The following KATNIP variants were observed in gnomAD, a reference collection of about 807,000 sequenced individuals.
KATNIP encodes katanin interacting protein, also known as katanin-interacting protein.
In KATNIP, 126 loss-of-function variants were observed where a neutral mutation model predicts 174.0. The observed-to-expected ratio is 0.72, with a 90% CI of 0.63 to 0.84. KATNIP has a LOEUF of 0.84. Ranked by LOEUF, KATNIP falls within the 40% of genes least tolerant of loss-of-function variation. KATNIP has a pLI of 0.00. For missense variants in KATNIP, 1,958 were observed against 2,109.7 expected, an observed-to-expected ratio of 0.93 and a Z score of 1.41; for synonymous variants, 810 against 835.7, an observed-to-expected ratio of 0.97 and a Z score of 0.53.
intron 1 of KATNIP, among the ~76,000 whole-genome samples, chr16:27,573,662 G>A (rs2090383400): frequency 6.6e-6 from 1 of 152,204 alleles, no homozygotes; most frequent in Non-Finnish European, 1.5e-5. Flanking sequence ...CCAGATTAAA[G>A]GCTGGAGCTT....
chr16:27,611,228 T>G (rs913705012), intron 2 of KATNIP, among the ~76,000 whole-genome samples: 11 of 152,180 alleles, frequency 7.2e-5, no homozygotes, highest in African/African-American at 2.2e-4. Context: ...GGGTCAGAGC[T>G]TTTGTTAAGC....
chr16:27,763,146 T>G (rs2082007454), intron 19 of KATNIP, among the ~76,000 whole-genome samples: 1 of 150,616 alleles, frequency 6.6e-6, no homozygotes, highest in South Asian at 2.1e-4. Context: ...AGAATGTGTC[T>G]CTACAAAAGA....
chr16:27,573,546 G>A (rs1450755428), intron 1 of KATNIP, among the ~76,000 whole-genome samples: 1 of 152,174 alleles, frequency 6.6e-6, no homozygotes, highest in Non-Finnish European at 1.5e-5. Context: ...ACAGAGGAAG[G>A]CATTCTTGTG....
chr16:27,654,672 G>A, intron 6 of KATNIP: 1 of 1,351,504 alleles, frequency 7.4e-7, no homozygotes. Context: ...AATGCATGTG[G>A]ACATTCTGAC....
At chr16:27,670,076 A>G (rs1043324829) in intron 6 of KATNIP, among the ~76,000 whole-genome samples, 3 of 152,216 alleles carry the variant, frequency 2.0e-5, no homozygotes, top group Non-Finnish European at 4.4e-5. Context: ...AGGAGGAATT[A>G]TTGAAATTCA....
At position 27,648,731 on chromosome 16, in the gene KATNIP, C is replaced by T. The variant is rs1346069798; in HGVS notation, c.536C>T (p.Pro179Leu). Residue 179 changes from proline to leucine, a missense_variant, in exon 6 of 28, where the codon CCG (proline) becomes CTG (leucine). By Grantham distance (98) the Pro-to-Leu change is moderately conservative (BLOSUM62 -3). Coordinates refer to ENST00000261588, the MANE Select transcript of KATNIP (RefSeq NM_015202.5). The stretch of plus-strand genomic sequence containing the variant: ...GCAAACAACACTTCTGAGGATCGTC[C>T]GCAGGTAGGGATGGCCTTGGCCTTG... ...LQANNTSEDR[P>L]QELRRSLELS... The T allele has an allele frequency of 1.4e-5, 23 of 1,613,010 alleles. No individual in the cohort carries two copies. The highest frequency in any genetic ancestry group is 3.3e-5 in the Admixed American group (2 of 59,854).
rs987018942 is a variant in KATNIP, at chr16:27,635,405, G to A, written c.408+4243G>A. On this transcript the variant is annotated intron_variant, in intron 5 of 27. Coordinates refer to ENST00000261588, the MANE Select transcript of KATNIP (RefSeq NM_015202.5). ...GAGTGTGGGATGGGTACCGAGAGCC[G>A]GCCCCCTCCAGTCTAGAGCATGGAC... Among the ~76,000 whole-genome samples, 26 of 152,054 alleles carry A rather than the reference G, an allele frequency of 1.7e-4. 1 individual carries two copies. Among genetic ancestry groups the A allele is most frequent in the Admixed American group, 5.2e-4 (8 of 15,254 alleles).
intron 14 of KATNIP, among the ~76,000 whole-genome samples, chr16:27,739,451 C>T (rs1410946312): frequency 2.6e-5 from 4 of 152,304 alleles, no homozygotes; most frequent in African/African-American, 9.6e-5. Flanking sequence ...CTTGCTTTCC[C>T]CATTTCCTCT....
Position 27,740,237 on chromosome 16 carries a change from C to G in KATNIP, c.1940C>G (p.Ala647Gly). ...SEESKGTHEMAGASGDKELGL... is the reference protein window; with the variant it reads ...SEESKGTHEMGGASGDKELGL... ...GAAAGCAAAGGCACCCATGAGATGG[C>G]TGGTGCCAGCGGGGACAAGGAGCTT... The change falls in exon 15 of 28, where the codon GCT becomes GGT. Residue 647 changes from alanine (A) to glycine (G), a missense_variant. Around this residue, in one of 3 missense-constraint regions of KATNIP, gnomAD observed 1,557 missense variants for 1,617.8 expected, o/e 0.96. Transcript: ENST00000261588. 1 of 1,614,234 alleles carries G rather than the reference C, an allele frequency of 6.2e-7. No individual in the cohort carries two copies. The highest frequency in any genetic ancestry group is 8.5e-7 in the Non-Finnish European group (1 of 1,180,030).
At chr16:27,580,944 C>A (rs982364305) in intron 2 of KATNIP, among the ~76,000 whole-genome samples, 5 of 152,094 alleles carry the variant, frequency 3.3e-5, no homozygotes, top group Admixed American at 1.3e-4. Context: ...ATGTACAGAA[C>A]TCATTGAGGT....
chr16:27,674,189 G>A (rs764476612), intron 6 of KATNIP, among the ~76,000 whole-genome samples: 1 of 152,168 alleles, frequency 6.6e-6, no homozygotes, highest in Admixed American at 6.5e-5. Flanking sequence ...GGATGAAAGG[G>A]GGAGAACTCT....
At chr16:27,597,186 C>T (rs2075361584) in intron 2 of KATNIP, among the ~76,000 whole-genome samples, 1 of 152,022 alleles carries the variant, frequency 6.6e-6, no homozygotes, top group African/African-American at 2.4e-5. Flanking sequence ...GAGTGAGATC[C>T]TGTCTCTAAT....
chr16:27,657,360 C>G (rs1325286886), intron 6 of KATNIP, among the ~76,000 whole-genome samples: 5 of 151,834 alleles, frequency 3.3e-5, no homozygotes, highest in Admixed American at 3.3e-4. Context: ...TACATTTTTT[C>G]AAAATAGAAA....
At chr16:27,633,701 T>C (rs1318950851) in intron 5 of KATNIP, among the ~76,000 whole-genome samples, 1 of 152,188 alleles carries the variant, frequency 6.6e-6, no homozygotes, top group Non-Finnish European at 1.5e-5. Context: ...ATACCCTTTA[T>C]CAGCCCACCC....
At chr16:27,772,620 G>A (rs1597425172) in intron 22 of KATNIP, among the ~76,000 whole-genome samples, 1 of 152,208 alleles carries the variant, frequency 6.6e-6, no homozygotes, top group South Asian at 2.1e-4. Flanking sequence ...CCCCTTCTTA[G>A]CCTCCTGTTT....
rs576261828 is a variant in KATNIP at position 27,643,625 on chromosome 16, A to G, written c.409-4979A>G. ...AAAAAAAAAAAAAAAAAAGAACTAA[A>G]TGAGTGAATGCACCTGAGTGCTTGG... is the stretch of plus-strand genomic sequence containing the variant. On this transcript the variant is annotated intron_variant, in intron 5 of 27. Coordinates refer to ENST00000261588, the MANE Select transcript of KATNIP (RefSeq NM_015202.5). Among the ~76,000 whole-genome samples the G allele has an allele frequency of 8.7e-5, 13 of 149,812 alleles. No homozygotes were observed. The East Asian group carries it at 2.2e-3, about 25-fold the overall frequency.
At chr16:27,576,469 A>T (rs1156363866) in intron 2 of KATNIP, among the ~76,000 whole-genome samples, 2 of 152,152 alleles carry the variant, frequency 1.3e-5, no homozygotes, top group African/African-American at 4.8e-5. Flanking sequence ...CAATTATTTT[A>T]AAAATAAATA....
rs1365528265 is a variant in KATNIP at position 27,597,295 on chromosome 16, C to A, written c.64-21130C>A. ...GGCCAGTCTTCCCATCCTGGAGTAG[C>A]TGTTGCCATGAGCTAGGCATGCATG... is the stretch of plus-strand genomic sequence containing the variant. On this transcript the variant is annotated intron_variant, in intron 2 of 27. Transcript: ENST00000261588. Among the ~76,000 whole-genome samples, 3 of 151,922 alleles carry A rather than the reference C, an allele frequency of 2.0e-5. No homozygotes were observed. The East Asian group carries it at 5.8e-4, about 29-fold the overall frequency.
chr16:27,662,049 C>CATATATATATATATATATACACATACAT, intron 6 of KATNIP, among the ~76,000 whole-genome samples: 3 of 8,628 alleles, frequency 3.5e-4, no homozygotes, highest in African/African-American at 2.3e-3. Context: ...TATACACATA[C>CATATATATATATATATATACACATACAT]ATATATATAT....
Sources: gnomAD v4.1 joint callset for allele counts (sites outside exome capture counted in the v4.1 genomes callset) on GRCh38, gnomAD v4.1.1 for gene constraint, gnomAD v4.1.1 regional missense constraint, MANE v1.5 for transcripts, NCBI Gene and HGNC (gene_info 2026-07-23, HGNC 2026-07-21) for gene names.